GSE1: variants seen among roughly 807,000 people sequenced by gnomAD.
GSE1 encodes genetic suppressor element 1.
A neutral mutation model predicts 112.6 loss-of-function variants in GSE1; 32 were observed. The ratio of observed to expected loss-of-function variants is 0.28; its 90% CI spans 0.21 to 0.38. The LOEUF is 0.38. GSE1 is among the 10% of genes least tolerant of loss of function. The pLI is 1.00. For missense variants in GSE1, 2,348 were observed against 1,699.2 expected, an observed-to-expected ratio of 1.38 and a Z score of -6.71; for synonymous variants, 1,115 against 735.6, an observed-to-expected ratio of 1.52 and a Z score of -8.35.
intron 2 of GSE1, among the ~76,000 whole-genome samples, chr16:85,439,712 C>T (rs147022416): frequency 1.3e-3 from 192 of 152,196 alleles, no homozygotes; most frequent in Middle Eastern, 3.4e-3. Flanking sequence ...AACAAAAGTG[C>T]ACACACAGGT....
chr16:85,482,237 C>T (rs2050702639), intron 2 of GSE1, among the ~76,000 whole-genome samples: 1 of 152,204 alleles, frequency 6.6e-6, no homozygotes, highest in African/African-American at 2.4e-5. Flanking sequence ...AGCTCCAGGA[C>T]CCTCCAGAAC....
chr16:85,647,507 C>T (rs928856374), intron 2 of GSE1, among the ~76,000 whole-genome samples: 1 of 152,222 alleles, frequency 6.6e-6, no homozygotes, highest in Non-Finnish European at 1.5e-5. Context: ...GTGGGTCACC[C>T]TGAATGGCTG....
At chr16:85,176,525 G>T (rs746922154) in intron 1 of GSE1, among the ~76,000 whole-genome samples, 11 of 152,260 alleles carry the variant, frequency 7.2e-5, no homozygotes, top group Non-Finnish European at 1.6e-4. Flanking sequence ...TCCTTCTGTT[G>T]CTGGGAGAGC....
At chr16:85,550,374 G>T (rs2044861872) in intron 2 of GSE1, among the ~76,000 whole-genome samples, 1 of 152,176 alleles carries the variant, frequency 6.6e-6, no homozygotes, top group African/African-American at 2.4e-5. Flanking sequence ...TTGTCACGAG[G>T]ATCCAATGCG....
chr16:85,372,396 C>T, intron 2 of GSE1, among the ~76,000 whole-genome samples: 1 of 150,576 alleles, frequency 6.6e-6, no homozygotes, highest in African/African-American at 2.4e-5. Flanking sequence ...GGAGGCTCAC[C>T]TTAGCCTGGG....
chr16:85,286,258 C>G (rs546178432), intron 1 of GSE1, among the ~76,000 whole-genome samples: 1 of 152,230 alleles, frequency 6.6e-6, no homozygotes. Flanking sequence ...TCAGGCGGGT[C>G]GGCCCACGGG....
At chr16:85,319,819 C>T (rs2046064196) in intron 1 of GSE1, among the ~76,000 whole-genome samples, 1 of 152,148 alleles carries the variant, frequency 6.6e-6, no homozygotes, top group Non-Finnish European at 1.5e-5. Flanking sequence ...ACAAATGGTA[C>T]GCATTCAGTA....
intron 2 of GSE1, among the ~76,000 whole-genome samples, chr16:85,470,557 C>G (rs181868449): frequency 2.5e-4 from 38 of 152,356 alleles, no homozygotes; most frequent in African/African-American, 8.9e-4. Flanking sequence ...TCCCTGGTAA[C>G]CTTCACCCGA....
At chr16:85,219,402 T>A (rs1474504098) in intron 1 of GSE1, among the ~76,000 whole-genome samples, 1 of 152,212 alleles carries the variant, frequency 6.6e-6, no homozygotes, top group East Asian at 1.9e-4. Context: ...TGTGGGGAGC[T>A]GGTTAAAAGT....
At chr16:85,557,237 G>T (rs1376786406) in intron 1 of GSE1, among the ~76,000 whole-genome samples, 3 of 152,210 alleles carry the variant, frequency 2.0e-5, no homozygotes, top group Admixed American at 6.5e-5. Context: ...CCCTGGGGTC[G>T]GGGAGAAACG....
intron 1 of GSE1, among the ~76,000 whole-genome samples, chr16:85,590,304 G>C (rs769017041): frequency 2.7e-5 from 4 of 150,794 alleles, no homozygotes; most frequent in African/African-American, 7.3e-5. Flanking sequence ...GTGTGTGAAC[G>C]CATGGGCCCA....
At chr16:85,259,682 C>A (rs1242493014) in intron 1 of GSE1, among the ~76,000 whole-genome samples, 1 of 152,192 alleles carries the variant, frequency 6.6e-6, no homozygotes, top group Non-Finnish European at 1.5e-5. Flanking sequence ...GAATTGAGAG[C>A]AGTAACAGTC....
chr16:85,389,978 G>T (rs1403975875), intron 2 of GSE1, among the ~76,000 whole-genome samples: 1 of 152,212 alleles, frequency 6.6e-6, no homozygotes, highest in Non-Finnish European at 1.5e-5. Context: ...AGTGAGGCAT[G>T]ACTGAAGCTT....
At chr16:85,522,400 C>G (rs2052216915) in intron 2 of GSE1, among the ~76,000 whole-genome samples, 1 of 141,152 alleles carries the variant, frequency 7.1e-6, no homozygotes, top group Non-Finnish European at 1.6e-5. Context: ...CCCAGCCCAT[C>G]CCTCCCCATG....
chr16:85,429,356 C>T (rs1402387983), intron 2 of GSE1, among the ~76,000 whole-genome samples: 1 of 152,240 alleles, frequency 6.6e-6, no homozygotes, highest in Admixed American at 6.5e-5. Context: ...TGTCTGGGGG[C>T]AGAGCTTCTC....
At chr16:85,330,075 G>A (rs949408680) in intron 1 of GSE1, among the ~76,000 whole-genome samples, 14 of 152,288 alleles carry the variant, frequency 9.2e-5, no homozygotes, top group East Asian at 1.9e-4. Flanking sequence ...TCCTGGTGGC[G>A]GCCAGGAGTG....
At chr16:85,317,368 A>G (rs927110098) in intron 1 of GSE1, among the ~76,000 whole-genome samples, 7 of 151,908 alleles carry the variant, frequency 4.6e-5, no homozygotes, top group Non-Finnish European at 8.8e-5. Flanking sequence ...TGCTGTGCAC[A>G]CCACGCTTCC....
intron 2 of GSE1, among the ~76,000 whole-genome samples, chr16:85,497,091 G>T (rs2051206311): frequency 6.6e-6 from 1 of 152,112 alleles, no homozygotes; most frequent in Non-Finnish European, 1.5e-5. Flanking sequence ...TAGAAACAGG[G>T]TTTCGCCATG....
chr16:85,302,124 G>A (rs907136766), intron 1 of GSE1, among the ~76,000 whole-genome samples: 4 of 152,216 alleles, frequency 2.6e-5, no homozygotes, highest in Admixed American at 1.3e-4. Context: ...CCAATTTCCC[G>A]TCTTGGAATG....
Sources: gnomAD v4.1 joint callset for allele counts (sites outside exome capture counted in the v4.1 genomes callset) on GRCh38, gnomAD v4.1.1 for gene constraint, MANE v1.5 for transcripts, NCBI Gene and HGNC (gene_info 2026-07-23, HGNC 2026-07-21) for gene names.